CELF4: variants seen among roughly 807,000 people sequenced by gnomAD.
The protein encoded by CELF4 is CUGBP Elav-like family member 4.
A neutral mutation model predicts 59.9 loss-of-function variants in CELF4; 18 were observed. The observed-to-expected ratio is 0.30, with a 90% CI of 0.21 to 0.45. CELF4 has a LOEUF of 0.45. CELF4 is among the 20% of genes least tolerant of loss of function. The probability of loss-of-function intolerance (pLI) is 1.00; values close to 1 mark genes in which losing one functional copy is unlikely to be tolerated. For missense variants in CELF4, 456 were observed against 689.0 expected (o/e 0.66, Z 3.79); for synonymous variants, 261 against 267.1 (o/e 0.98, Z 0.22).
chr18:37,338,970 G>A (rs2097888689), intron 2 of CELF4, among the ~76,000 whole-genome samples: 1 of 152,182 alleles, frequency 6.6e-6, no homozygotes, highest in South Asian at 2.1e-4. Context: ...AAGAGGATGG[G>A]CAATGGCCAT....
chr18:37,318,647 T>C (rs1298696475), intron 3 of CELF4, among the ~76,000 whole-genome samples: 1 of 116,652 alleles, frequency 8.6e-6, no homozygotes, highest in Non-Finnish European at 1.6e-5. Context: ...CCCCCCACTT[T>C]CTACTGCAAG....
intron 3 of CELF4, among the ~76,000 whole-genome samples, chr18:37,285,380 C>T (rs2094633513): frequency 6.6e-6 from 1 of 152,368 alleles, no homozygotes; most frequent in East Asian, 1.9e-4. Flanking sequence ...AACTGCACTA[C>T]CCCCTCCATG....
chr18:37,258,481 C>T (rs993402631), intron 11 of CELF4, among the ~76,000 whole-genome samples: 8 of 152,184 alleles, frequency 5.3e-5, no homozygotes, highest in African/African-American at 1.7e-4. Context: ...CTGCTATAAA[C>T]ATAATTTTCA....
intron 7 of CELF4, 22 bp downstream of exon 7, chr18:37,272,994 G>C (rs550829157): frequency 3.8e-6 from 6 of 1,596,536 alleles, no homozygotes; most frequent in Non-Finnish European, 4.3e-6. Context: ...GCCAGACCGC[G>C]TGTTGGCACC....
chr18:37,383,557 T>C (rs1005743689), intron 2 of CELF4, among the ~76,000 whole-genome samples: 3 of 152,214 alleles, frequency 2.0e-5, no homozygotes, highest in Admixed American at 6.5e-5. Context: ...TTCCAGATGG[T>C]TCATGTATAA....
intron 2 of CELF4, among the ~76,000 whole-genome samples, chr18:37,413,041 G>C (rs928859113): frequency 1.3e-5 from 2 of 152,148 alleles, no homozygotes; most frequent in African/African-American, 4.8e-5. Context: ...TTATTGGCTC[G>C]CTCTTCAATC....
chr18:37,257,302 T>C (rs919068074), intron 11 of CELF4, among the ~76,000 whole-genome samples: 1 of 152,228 alleles, frequency 6.6e-6, no homozygotes, highest in Non-Finnish European at 1.5e-5. Flanking sequence ...TTCTCATTTA[T>C]GTAACATTTG....
chr18:37,410,431 G>A (rs868397536), intron 2 of CELF4, among the ~76,000 whole-genome samples: 4 of 152,240 alleles, frequency 2.6e-5, no homozygotes, highest in Non-Finnish European at 5.9e-5. Context: ...GTGTGGGCAC[G>A]CTGTCCCCCG....
At chr18:37,273,696 G>A in intron 6 of CELF4, 1 of 987,418 alleles carries the variant, frequency 1.0e-6, no homozygotes, top group Non-Finnish European at 1.2e-6. Flanking sequence ...CTGCAGAAGT[G>A]AGGTAAGCTT....
intron 1 of CELF4, among the ~76,000 whole-genome samples, chr18:37,551,997 G>A (rs981897482): frequency 2.0e-5 from 3 of 152,182 alleles, no homozygotes; most frequent in Non-Finnish European, 4.4e-5. Flanking sequence ...ACAACTCCCC[G>A]ACTTGTCAGC....
At chr18:37,524,914 C>T (rs1231271495) in intron 1 of CELF4, among the ~76,000 whole-genome samples, 1 of 152,184 alleles carries the variant, frequency 6.6e-6, no homozygotes, top group Non-Finnish European at 1.5e-5. Context: ...GCGCCCCAGT[C>T]CCGAGCTCGG....
intron 1 of CELF4, among the ~76,000 whole-genome samples, chr18:37,518,491 G>T (rs901712953): frequency 6.6e-6 from 1 of 152,140 alleles, no homozygotes; most frequent in Non-Finnish European, 1.5e-5. Flanking sequence ...ACAGGAGTCA[G>T]GGAGAGAAAA....
intron 2 of CELF4, among the ~76,000 whole-genome samples, chr18:37,347,936 T>G (rs931325166): frequency 2.0e-5 from 3 of 152,052 alleles, no homozygotes; most frequent in Non-Finnish European, 4.4e-5. Context: ...GAGAGATACC[T>G]CCCACGTTCC....
chr18:37,331,391 A>T (rs12454848), intron 2 of CELF4, among the ~76,000 whole-genome samples: 86,249 of 151,988 alleles, frequency 0.57, 24,840 homozygotes, highest in East Asian at 0.83. Flanking sequence ...CTTTCCAGTC[A>T]TCGCCTCTGG....
intron 2 of CELF4, among the ~76,000 whole-genome samples, chr18:37,401,614 A>T (rs1408230067): frequency 6.6e-6 from 1 of 152,230 alleles, no homozygotes; most frequent in Non-Finnish European, 1.5e-5. Context: ...CTTGCCTAAG[A>T]CTTCCCAGCC....
chr18:37,256,520 G>GGTTA (rs2069573645), intron 11 of CELF4, among the ~76,000 whole-genome samples: 1 of 152,074 alleles, frequency 6.6e-6, no homozygotes, highest in Non-Finnish European at 1.5e-5. Context: ...AGGCTCACAG[G>GGTTA]GTTAAATGAC....
rs1384959528 is a variant in CELF4, at chr18:37,254,045, C to G, written c.1334-107G>C. On this transcript the variant is annotated intron_variant, in intron 11 of 12. Coordinates refer to ENST00000420428, the MANE Select transcript of CELF4 (RefSeq NM_020180.4). The surrounding 1 kb of genome is among the most constrained non-coding windows in gnomAD (Gnocchi z 5.1). ...GGGGGCGGGGCGGGCCTGAGGCTCT[C>G]CCCCTCGGGCCCCGCCCCCGGCCCC... 1.2e-6 allele frequency: 1 copy of G among 811,820 alleles called. No homozygotes were observed. The highest frequency in any genetic ancestry group is 1.8e-5 in the African/African-American group (1 of 54,464). The allele number at this position is 811,820 out of a possible 1,614,324, so 50.3% of individuals were successfully genotyped here.
chr18:37,301,554 G>T lies in CELF4; in HGVS notation c.448+20249C>A, dbSNP rs78312870. 7.4e-3 allele frequency among the ~76,000 whole-genome samples: 1,134 copies of T among 152,274 alleles called. 22 individuals carry two copies. The highest frequency in any genetic ancestry group is 0.026 in the African/African-American group (1,075 of 41,544). On this transcript the variant is annotated intron_variant, in intron 3 of 12. Coordinates refer to ENST00000420428, the MANE Select transcript of CELF4 (RefSeq NM_020180.4). ...GCTGCCTCGTGCCAGGCATGGGGCT[G>T]GACCATGTGTTTCCTCCCAGCTCAG... is the stretch of plus-strand genomic sequence containing the variant.
intron 2 of CELF4, among the ~76,000 whole-genome samples, chr18:37,468,255 A>G (rs2099813491): frequency 6.6e-6 from 1 of 152,224 alleles, no homozygotes; most frequent in African/African-American, 2.4e-5. Flanking sequence ...TGTTTCAAAC[A>G]ATGCAGCTCA....
Sources: gnomAD v4.1 joint callset for allele counts (sites outside exome capture counted in the v4.1 genomes callset) on GRCh38, gnomAD v4.1.1 for gene constraint, Gnocchi (gnomAD v3.1) non-coding constraint, MANE v1.5 for transcripts, NCBI Gene and HGNC (gene_info 2026-07-23, HGNC 2026-07-21) for gene names.